Variants in NELL1 observed in about 807,000 individuals in gnomAD.
NELL1 encodes neural EGFL like 1, also known as protein kinase C-binding protein NELL1.
NELL1 carries 76 observed loss-of-function variants against 107.4 expected under a neutral mutation model. That is an observed-to-expected ratio of 0.71 (90% CI 0.59 to 0.86). The LOEUF (loss-of-function observed/expected upper bound fraction) is 0.86, where lower values mean the gene tolerates loss of function less well. Ranked by LOEUF, NELL1 falls within the 40% of genes least tolerant of loss-of-function variation. The pLI, the probability that NELL1 is intolerant of heterozygous loss-of-function variation, is 0.00. For synonymous variants in NELL1, 353 were observed against 341.2 expected (o/e 1.03, Z -0.38); for missense variants, 1,024 against 1,005.5 (o/e 1.02, Z -0.25).
chr11:21,295,346 C>T (rs867746485), intron 14 of NELL1, among the ~76,000 whole-genome samples: 2 of 151,952 alleles, frequency 1.3e-5, no homozygotes, highest in African/African-American at 2.4e-5. Flanking sequence ...TCCAGACAAA[C>T]GAGATCATTT....
chr11:21,141,144 C>T (rs1855857565), intron 13 of NELL1, among the ~76,000 whole-genome samples: 1 of 152,258 alleles, frequency 6.6e-6, no homozygotes, highest in East Asian at 1.9e-4. Flanking sequence ...ATCCATTGCA[C>T]ACATAATGTA....
chr11:20,738,446 G>A (rs1400822615), intron 2 of NELL1, among the ~76,000 whole-genome samples: 2 of 152,196 alleles, frequency 1.3e-5, no homozygotes, highest in Non-Finnish European at 2.9e-5. Context: ...TTAAGCAGGA[G>A]CACTTCAGCT....
chr11:20,924,899 A>G (rs1850457789), intron 7 of NELL1, among the ~76,000 whole-genome samples: 1 of 152,192 alleles, frequency 6.6e-6, no homozygotes, highest in Admixed American at 6.5e-5. Flanking sequence ...CCAACCATGG[A>G]CCAACAATAC....
intron 16 of NELL1, among the ~76,000 whole-genome samples, chr11:21,541,072 GT>G (rs1426215579): frequency 6.6e-6 from 1 of 152,044 alleles, no homozygotes; most frequent in Non-Finnish European, 1.5e-5. Context: ...CAATTTAGGT[GT>G]TTTTTGATAG....
chr11:21,044,748 T>C (rs949026336), intron 12 of NELL1, among the ~76,000 whole-genome samples: 3 of 151,992 alleles, frequency 2.0e-5, no homozygotes, highest in African/African-American at 7.3e-5. Flanking sequence ...GATTTGATGG[T>C]TGGAGGATGA....
chr11:21,564,654 G>A (rs1856928575), intron 17 of NELL1, among the ~76,000 whole-genome samples: 1 of 151,872 alleles, frequency 6.6e-6, no homozygotes, highest in Non-Finnish European at 1.5e-5. Flanking sequence ...TGAAAACAAA[G>A]TAATACTAAA....
intron 12 of NELL1, among the ~76,000 whole-genome samples, chr11:20,965,033 C>T (rs559107412): frequency 6.6e-6 from 1 of 152,094 alleles, no homozygotes; most frequent in Non-Finnish European, 1.5e-5. Context: ...ATATGTCTCC[C>T]TGAATTAATG....
intron 7 of NELL1, among the ~76,000 whole-genome samples, chr11:20,921,595 C>G (rs7481274): frequency 0.042 from 6,458 of 152,086 alleles, 197 homozygotes; most frequent in East Asian, 0.1. Flanking sequence ...TCACCATCCA[C>G]TGGCAGGAGG....
chr11:21,484,228 A>G (rs1854571675), intron 15 of NELL1, among the ~76,000 whole-genome samples: 1 of 151,408 alleles, frequency 6.6e-6, no homozygotes, highest in African/African-American at 2.4e-5. Context: ...ACAAAAAAAA[A>G]TTGCTGACAC....
Position 21,246,858 on chromosome 11 carries a change from A to G in NELL1, c.1549+17404A>G, listed in dbSNP as rs1054256530. ...TACATGGTGGCAAGCCAGAGAGGAG[A>G]AATCTCTTATAAAATCATCAGCTCT... is the stretch of plus-strand genomic sequence containing the variant. On this transcript the variant is annotated intron_variant, in intron 14 of 19. Coordinates refer to ENST00000357134, the MANE Select transcript of NELL1 (RefSeq NM_006157.5). 6.6e-5 allele frequency among the ~76,000 whole-genome samples: 10 copies of G among 152,130 alleles called. 1 individual carries two copies. The highest frequency in any genetic ancestry group is 4.1e-4 in the South Asian group (2 of 4,820).
intron 2 of NELL1, among the ~76,000 whole-genome samples, chr11:20,766,179 C>A (rs1243535358): frequency 6.6e-6 from 1 of 152,190 alleles, no homozygotes; most frequent in African/African-American, 2.4e-5. Flanking sequence ...AATGACCCTT[C>A]CCTGGGCCCC....
At chr11:21,339,595 A>G (rs1421417762) in intron 14 of NELL1, among the ~76,000 whole-genome samples, 1 of 152,164 alleles carries the variant, frequency 6.6e-6, no homozygotes, top group Admixed American at 6.5e-5. Flanking sequence ...TTTAAAATTC[A>G]TGTTTACCAG....
chr11:20,813,708 G>T (rs560037996), intron 3 of NELL1, among the ~76,000 whole-genome samples: 9 of 152,198 alleles, frequency 5.9e-5, no homozygotes, highest in African/African-American at 2.2e-4. Flanking sequence ...TTCATTTTGT[G>T]CCTTTTTACT....
chr11:20,925,509 C>T (rs116645767), intron 7 of NELL1, among the ~76,000 whole-genome samples: 1,566 of 146,960 alleles, frequency 0.011, 33 homozygotes, highest in African/African-American at 0.037. Context: ...TGGTCTCAAA[C>T]TCCTGACCTT....
intron 12 of NELL1, among the ~76,000 whole-genome samples, chr11:21,007,699 T>C (rs975550396): frequency 2.6e-5 from 4 of 152,064 alleles, no homozygotes; most frequent in African/African-American, 9.7e-5. Context: ...CTTGCAATTG[T>C]AGGTGCTATG....
At chr11:20,767,909 C>A (rs571460429) in intron 2 of NELL1, among the ~76,000 whole-genome samples, 1 of 152,048 alleles carries the variant, frequency 6.6e-6, no homozygotes, top group Non-Finnish European at 1.5e-5. Context: ...AAATGAGTAA[C>A]TTTAGATTGT....
At chr11:21,255,819 T>C (rs11025992) in intron 14 of NELL1, among the ~76,000 whole-genome samples, 1,862 of 152,170 alleles carry the variant, frequency 0.012, 20 homozygotes, top group Non-Finnish European at 0.02. Context: ...TCACTTCCAC[T>C]TCTAATGGGG....
rs11820003 is a variant in NELL1, at chr11:20,927,407, G to A, written c.859G>A (p.Val287Ile). 7,331 of 1,612,188 alleles carry A rather than the reference G, an allele frequency of 4.5e-3. 322 individuals carry two copies. The African/African-American group carries it at 0.087, about 19-fold the overall frequency. ...GLLYRDQDSW[V>I]DGDHCRNCTC... is the part of the protein sequence containing the mutation. ...GCTCTATCGAGATCAAGACTCTTGG[G>A]TAGATGGTGACCATTGCAGGAACTG... The change falls in exon 8 of 20, where the codon GTA (valine) becomes ATA (isoleucine). Residue 287 changes from valine to isoleucine, a missense_variant. By Grantham distance (29) the Val-to-Ile change is conservative (BLOSUM62 3). Transcript: ENST00000357134.
chr11:21,230,488 A>G (rs1254875618), intron 14 of NELL1, among the ~76,000 whole-genome samples: 1 of 152,256 alleles, frequency 6.6e-6, no homozygotes, highest in Non-Finnish European at 1.5e-5. Context: ...AGGCACAATC[A>G]TAACGAAAAA....
Sources: gnomAD v4.1 joint callset for allele counts (sites outside exome capture counted in the v4.1 genomes callset) on GRCh38, gnomAD v4.1.1 for gene constraint, MANE v1.5 for transcripts, NCBI Gene and HGNC (gene_info 2026-07-23, HGNC 2026-07-21) for gene names.